The following PDXDC1 variants were observed in gnomAD, a reference collection of about 807,000 sequenced individuals.
PDXDC1 encodes the protein pyridoxal-dependent decarboxylase domain-containing protein 1.
PDXDC1 carries 42 observed loss-of-function variants against 100.1 expected under a neutral mutation model. That is an observed-to-expected ratio of 0.42 (90% CI 0.33 to 0.54). The LOEUF is 0.54. Among genes scored for constraint, PDXDC1 ranks in the 20% least tolerant of loss-of-function variants. The pLI, the probability that PDXDC1 is intolerant of heterozygous loss-of-function variation, is 0.10. For missense variants in PDXDC1, 636 were observed against 979.2 expected (o/e 0.65, Z 4.68); for synonymous variants, 260 against 371.7 (o/e 0.70, Z 3.46).
chr16:15,066,640 A>T (rs556250750), intron 16 of PDXDC1, among the ~76,000 whole-genome samples: 33 of 151,352 alleles, frequency 2.2e-4, no homozygotes, highest in Admixed American at 9.2e-4. Flanking sequence ...CTCAAATAAA[A>T]AAAAAAAAAA....
chr16:15,065,112 G>A (rs1488049171), intron 16 of PDXDC1: 35 of 1,162,556 alleles, frequency 3.0e-5, no homozygotes, highest in Non-Finnish European at 4.2e-5. Context: ...CTTGCGGTAA[G>A]CCGAGATCAC....
chr16:15,110,603 T>A (rs200017599), intron 16 of PDXDC1: 31 of 1,577,734 alleles, frequency 2.0e-5, no homozygotes, highest in Admixed American at 8.4e-5. Context: ...ACAAATGGAC[T>A]TCAGCCCTTG....
chr16:15,014,637 C>G (rs2041641552), intron 8 of PDXDC1, among the ~76,000 whole-genome samples: 1 of 152,270 alleles, frequency 6.6e-6, no homozygotes, highest in Non-Finnish European at 1.5e-5. Flanking sequence ...AGCCCTTTTC[C>G]TGGCATAGAC....
At chr16:14,983,572 C>CAAAAAAAAAA in intron 1 of PDXDC1, among the ~76,000 whole-genome samples, 1 of 88,408 alleles carries the variant, frequency 1.1e-5, no homozygotes, top group Non-Finnish European at 1.9e-5. Flanking sequence ...GACTCCGTCT[C>CAAAAAAAAAA]AAAAAAAAAA....
At chr16:15,063,787 A>G (rs1197563175) in intron 16 of PDXDC1, among the ~76,000 whole-genome samples, 2 of 152,068 alleles carry the variant, frequency 1.3e-5, no homozygotes, top group Non-Finnish European at 2.9e-5. Flanking sequence ...CTCTTTCTGT[A>G]TAAGAGTTCA....
intron 4 of PDXDC1, among the ~76,000 whole-genome samples, chr16:15,003,691 A>C (rs1409101383): frequency 6.6e-6 from 1 of 152,286 alleles, no homozygotes; most frequent in Admixed American, 6.5e-5. Flanking sequence ...AATTATAAAA[A>C]TATTTTTCTG....
chr16:15,002,362 T>G (rs1449528855), intron 4 of PDXDC1, among the ~76,000 whole-genome samples: 2 of 152,290 alleles, frequency 1.3e-5, no homozygotes, highest in Non-Finnish European at 2.9e-5. Context: ...TGTGTATTCT[T>G]CCAGAGAGAT....
intron 16 of PDXDC1, among the ~76,000 whole-genome samples, chr16:15,091,787 C>T (rs1410292654): frequency 6.6e-5 from 10 of 152,158 alleles, no homozygotes; most frequent in Non-Finnish European, 1.3e-4. Context: ...TGCTGAGATA[C>T]AGTAGAAATG....
chr16:15,045,404 T>C (rs2044017108), intron 16 of PDXDC1: 1 of 151,512 alleles, frequency 6.6e-6, no homozygotes, highest in Non-Finnish European at 1.5e-5. Flanking sequence ...GAGGCAGAGG[T>C]TGCAGTGAGC....
At chr16:15,121,915 G>A (rs1262845607) in intron 16 of PDXDC1, 1 of 244,522 alleles carries the variant, frequency 4.1e-6, no homozygotes, top group Non-Finnish European at 8.3e-6. Context: ...GGCCGAGGCA[G>A]GCGGATCACG....
chr16:14,992,021 T>A (rs1187297100), intron 1 of PDXDC1, among the ~76,000 whole-genome samples: 2 of 152,288 alleles, frequency 1.3e-5, no homozygotes, highest in Non-Finnish European at 2.9e-5. Context: ...GGAGTCTGAA[T>A]CCTTGCCTTC....
At position 15,036,103 on chromosome 16, in the gene PDXDC1, T is replaced by C. The variant is rs1166426969; in HGVS notation, c.2195T>C (p.Val732Ala). Reference sequence around the variant, plus strand: ...AGTCACATTGAAGACTTAGAAAAGGTGGAGCGCCTATCCAGTGGGCCGGAG... The same window carrying C: ...AGTCACATTGAAGACTTAGAAAAGGCGGAGCGCCTATCCAGTGGGCCGGAG... ...SVSHIEDLEK[V>A]ERLSSGPEQI... The change falls in exon 23 of 23, where the codon GTG becomes GCG. Residue 732 changes from valine (V) to alanine (A), a missense_variant. Val to Ala is a moderately conservative substitution (Grantham distance 64). This residue lies in a region of PDXDC1 where 452 missense variants were observed against 402.9 expected (regional missense o/e 1.12). Coordinates refer to ENST00000396410, the MANE Select transcript of PDXDC1 (RefSeq NM_015027.4). 8 of 1,613,976 alleles carry C rather than the reference T, an allele frequency of 5.0e-6. No homozygotes were observed. Among genetic ancestry groups the C allele is most frequent in the Non-Finnish European group, 5.9e-6 (7 of 1,180,036 alleles).
At chr16:14,990,021 A>G in intron 1 of PDXDC1, 2 of 1,475,372 alleles carry the variant, frequency 1.4e-6, no homozygotes, top group Non-Finnish European at 1.8e-6. Flanking sequence ...AAGCAGGTGC[A>G]GGCCGCCCGC....
intron 16 of PDXDC1, chr16:15,127,057 G>T (rs551386630): frequency 8.5e-6 from 3 of 352,290 alleles, no homozygotes; most frequent in Non-Finnish European, 1.7e-5. Context: ...TGAAGTGTTG[G>T]GATTATAGGC....
chr16:15,044,434 G>C (rs1567761149), intron 16 of PDXDC1: 4 of 1,543,518 alleles, frequency 2.6e-6, no homozygotes, highest in Non-Finnish European at 3.6e-6. Context: ...ACGGGTCAGA[G>C]GCCAGAAGAA....
chr16:15,040,032 T>G (rs14347), downstream of PDXDC1: 502,143 of 1,605,154 alleles, frequency 0.31, 82,282 homozygotes, highest in Admixed American at 0.51. Context: ...CTTGAAAGGA[T>G]GCTCTGTAAA....
At chr16:14,990,451 A>G (rs1970517365) in intron 1 of PDXDC1, among the ~76,000 whole-genome samples, 1 of 152,296 alleles carries the variant, frequency 6.6e-6, no homozygotes, top group Non-Finnish European at 1.5e-5. Flanking sequence ...TGATGAAGAA[A>G]GTGGTAGCTG....
chr16:15,089,010 A>C (rs2046014831), intron 16 of PDXDC1, among the ~76,000 whole-genome samples: 1 of 152,154 alleles, frequency 6.6e-6, no homozygotes, highest in Admixed American at 6.5e-5. Flanking sequence ...GACAGTTAAG[A>C]AACAAGTCTA....
At chr16:15,020,292 C>G (rs1226946239) in intron 12 of PDXDC1, among the ~76,000 whole-genome samples, 2 of 152,280 alleles carry the variant, frequency 1.3e-5, no homozygotes, top group East Asian at 3.8e-4. Flanking sequence ...AGAGCTCTTG[C>G]AGTAGTGTCT....
Sources: gnomAD v4.1 joint callset for allele counts (sites outside exome capture counted in the v4.1 genomes callset) on GRCh38, gnomAD v4.1.1 for gene constraint, gnomAD v4.1.1 regional missense constraint, MANE v1.5 for transcripts, NCBI Gene and HGNC (gene_info 2026-07-23, HGNC 2026-07-21) for gene names.